CTDSPL: variants seen among roughly 807,000 people sequenced by gnomAD.
CTDSPL encodes the protein CTD small phosphatase like, also known as CTD small phosphatase-like protein.
Under a neutral mutation model 30.5 loss-of-function variants are expected in CTDSPL, and 8 were observed. That is an observed-to-expected ratio of 0.26 (90% CI 0.15 to 0.47). The LOEUF is 0.47. Ranked by LOEUF, CTDSPL falls within the 20% of genes least tolerant of loss-of-function variation. The pLI is 0.99. For synonymous variants in CTDSPL, 110 were observed against 137.9 expected (o/e 0.80, Z 1.42); for missense variants, 248 against 366.1 (o/e 0.68, Z 2.63).
chr3:37,876,978 C>T (rs1303014083), intron 1 of CTDSPL, among the ~76,000 whole-genome samples: 6 of 151,538 alleles, frequency 4.0e-5, no homozygotes, highest in Admixed American at 6.6e-5. Flanking sequence ...TGGTGGTGCA[C>T]GCCTGTAATC....
intron 1 of CTDSPL, among the ~76,000 whole-genome samples, chr3:37,945,978 A>T (rs1699032266): frequency 6.6e-6 from 1 of 152,252 alleles, no homozygotes; most frequent in Non-Finnish European, 1.5e-5. Flanking sequence ...GAATTGTGCC[A>T]GAATTGCTTT....
rs1210867103 is a variant in CTDSPL, at chr3:37,947,157, C to T, written c.180C>T (p.Pro60=). 2 of 1,612,866 alleles carry T rather than the reference C, an allele frequency of 1.2e-6. No individual in the cohort carries two copies. Among genetic ancestry groups the T allele is most frequent in the Non-Finnish European group, 1.7e-6 (2 of 1,179,982 alleles). ...FRDYNVEAPP[P]SSPSVLPPLV... ...ATTACAATGTGGAGGCCCCTCCACC[C>T]AGCAGCCCCAGTGTGCTTCCGCCAC... Residue 60 remains proline, a synonymous_variant, in exon 2 of 8, where the codon CCC becomes CCT. Coordinates refer to ENST00000273179, the MANE Select transcript of CTDSPL (RefSeq NM_001008392.2).
At chr3:37,959,303 T>C (rs1020835869) in intron 3 of CTDSPL, among the ~76,000 whole-genome samples, 1 of 152,244 alleles carries the variant, frequency 6.6e-6, no homozygotes, top group African/African-American at 2.4e-5. Flanking sequence ...TTCAAGCTCA[T>C]GGTTAATTTT....
chr3:37,942,777 A>G (rs1698992798), intron 1 of CTDSPL, among the ~76,000 whole-genome samples: 2 of 150,574 alleles, frequency 1.3e-5, no homozygotes, highest in African/African-American at 4.8e-5. Flanking sequence ...TGAGGCACAA[A>G]GAAGTCACAC....
chr3:37,940,048 C>T (rs1698960536), intron 1 of CTDSPL, among the ~76,000 whole-genome samples: 4 of 149,962 alleles, frequency 2.7e-5, no homozygotes, highest in Middle Eastern at 7.0e-3. Flanking sequence ...GCCGAGATCG[C>T]ACCACTGTAC....
At chr3:37,957,459 A>G (rs919287944) in intron 3 of CTDSPL, among the ~76,000 whole-genome samples, 2 of 151,754 alleles carry the variant, frequency 1.3e-5, no homozygotes, top group Non-Finnish European at 2.9e-5. Context: ...CCTCACCCAC[A>G]CCCCACTATC....
chr3:37,958,443 A>G (rs1364318741), intron 3 of CTDSPL, among the ~76,000 whole-genome samples: 1 of 152,048 alleles, frequency 6.6e-6, no homozygotes, highest in Non-Finnish European at 1.5e-5. Flanking sequence ...TTTTTGACAT[A>G]TTTTTTTCCT....
rs1488756267 is a variant in CTDSPL at position 37,947,063 on chromosome 3, A to G, written c.86A>G (p.Gln29Arg). The stretch of plus-strand genomic sequence containing the variant: ...GCTCTGTTTCTGTTTCCAGCCTCCC[A>G]GTGCAACGTCAGCTTAAAGAAGCAG... ...RLPGAGEKAS[Q>R]CNVSLKKQRS... The change falls in exon 2 of 8, where the codon CAG (glutamine) becomes CGG (arginine). Residue 29 changes from glutamine to arginine, a missense_variant. Transcript: ENST00000273179. 6.2e-7 allele frequency: 1 copy of G among 1,613,064 alleles called. No homozygotes were observed. The highest frequency in any genetic ancestry group is 1.3e-5 in the African/African-American group (1 of 74,900).
chr3:37,966,130 G>A (rs1699296299), intron 4 of CTDSPL, among the ~76,000 whole-genome samples: 1 of 152,228 alleles, frequency 6.6e-6, no homozygotes, highest in African/African-American at 2.4e-5. Context: ...TGATGTTACT[G>A]AGGATTCCTG....
chr3:37,920,345 A>G (rs1411394597), intron 1 of CTDSPL, among the ~76,000 whole-genome samples: 3 of 152,338 alleles, frequency 2.0e-5, no homozygotes, highest in East Asian at 3.9e-4. Context: ...GAGACTGAGC[A>G]CTGTTGGGGC....
At chr3:37,960,535 T>TATACACACACAC (rs1327299412) in intron 3 of CTDSPL, among the ~76,000 whole-genome samples, 11 of 16,288 alleles carry the variant, frequency 6.8e-4, no homozygotes, top group Non-Finnish European at 8.4e-4. Flanking sequence ...TATATATATA[T>TATACACACACAC]ACACACACAC....
rs879053400 is a variant in CTDSPL at position 37,982,487 on chromosome 3, G to T, written c.*1620G>T. The T allele has an allele frequency of 4.4e-6, 2 of 455,256 alleles. No individual in the cohort carries two copies. Among genetic ancestry groups the T allele is most frequent in the South Asian group, 3.1e-5 (2 of 64,412 alleles). The allele number at this position is 455,256 out of a possible 1,614,324, so 28.2% of individuals were successfully genotyped here. On this transcript the variant is annotated 3_prime_UTR_variant, in exon 8 of 8. Transcript: ENST00000273179. ...TGGGTTGGTCTTCAGCCAGCATTCT[G>T]GTGGGAGTGACTGGCATTAACAAGA...
At chr3:37,948,805 TTTC>T (rs1375056312) in intron 2 of CTDSPL, among the ~76,000 whole-genome samples, 137 of 140,756 alleles carry the variant, frequency 9.7e-4, no homozygotes, top group African/African-American at 3.8e-3. Flanking sequence ...ATTTTCCAGC[TTTC>T]TTTTTTTTTT....
In CTDSPL at chr3:37,918,741, G is replaced by A. The variant is rs189306410; in HGVS notation, c.80-28316G>A. ...TTGTGCTTGTTTGCATCTGATACAG[G>A]CTTAAATAAAGGACAGTGCCTGGAG... On this transcript the variant is annotated intron_variant, in intron 1 of 7. Coordinates refer to ENST00000273179, the MANE Select transcript of CTDSPL (RefSeq NM_001008392.2). Among the ~76,000 whole-genome samples the A allele has an allele frequency of 1.8e-3, 273 of 152,180 alleles. 1 individual carries two copies. Among genetic ancestry groups the A allele is most frequent in the Middle Eastern group, 0.01 (3 of 294 alleles).
At chr3:37,958,585 G>A (rs910673745) in intron 3 of CTDSPL, among the ~76,000 whole-genome samples, 3 of 152,190 alleles carry the variant, frequency 2.0e-5, no homozygotes, top group Non-Finnish European at 4.4e-5. Flanking sequence ...GCACTTGTCA[G>A]TATAAAAACC....
intron 1 of CTDSPL, chr3:37,911,697 A>G: frequency 2.2e-6 from 1 of 456,642 alleles, no homozygotes; most frequent in Non-Finnish European, 4.4e-6. Flanking sequence ...AAGGGCAAGA[A>G]GACGAGTGGC....
intron 1 of CTDSPL, among the ~76,000 whole-genome samples, chr3:37,933,796 A>G (rs942896492): frequency 6.6e-6 from 1 of 152,242 alleles, no homozygotes; most frequent in Non-Finnish European, 1.5e-5. Context: ...ACGAATACAT[A>G]TGGAGCTGCA....
At chr3:37,960,531 TATATACACACACACACACACACAC>T (rs1699231626) in intron 3 of CTDSPL, among the ~76,000 whole-genome samples, 1 of 47,316 alleles carries the variant, frequency 2.1e-5, no homozygotes, top group Non-Finnish European at 3.8e-5. Flanking sequence ...TATATATATA[TATATACACACACACACACACACAC>T]ACACACACAC....
intron 1 of CTDSPL, among the ~76,000 whole-genome samples, chr3:37,877,083 G>A (rs1698143402): frequency 6.7e-6 from 1 of 148,312 alleles, no homozygotes; most frequent in African/African-American, 2.5e-5. Context: ...TCCATCCTGG[G>A]TGACACAGTG....
Sources: gnomAD v4.1 joint callset for allele counts (sites outside exome capture counted in the v4.1 genomes callset) on GRCh38, gnomAD v4.1.1 for gene constraint, MANE v1.5 for transcripts, NCBI Gene and HGNC (gene_info 2026-07-23, HGNC 2026-07-21) for gene names.